Variants in FOXP2 observed in about 807,000 individuals in gnomAD.
FOXP2 encodes forkhead box protein P2.
Under a neutral mutation model 115.8 loss-of-function variants are expected in FOXP2, and 12 were observed. The observed-to-expected ratio is 0.10, with a 90% confidence interval of 0.07 to 0.17. The LOEUF (loss-of-function observed/expected upper bound fraction) is 0.17. Ranked by LOEUF, FOXP2 falls within the 10% of genes least tolerant of loss-of-function variation. FOXP2 has a pLI of 1.00. For missense variants in FOXP2, 629 were observed against 843.5 expected (o/e 0.75, Z 3.15); for synonymous variants, 328 against 297.7 (o/e 1.10, Z -1.05).
chr7:114,521,469 G>A (rs572845903), intron 2 of FOXP2, among the ~76,000 whole-genome samples: 1 of 137,206 alleles, frequency 7.3e-6, no homozygotes, highest in African/African-American at 2.8e-5. Context: ...GGAGTTCTAG[G>A]TTACAGTGGA....
intron 2 of FOXP2, among the ~76,000 whole-genome samples, chr7:114,527,118 A>G (rs1798919745): frequency 6.6e-6 from 1 of 151,336 alleles, no homozygotes; most frequent in South Asian, 2.1e-4. Flanking sequence ...AGGTTTATCC[A>G]TGTTGTAGCA....
At chr7:114,230,393 TACCA>T (rs1794844717) in intron 1 of FOXP2, among the ~76,000 whole-genome samples, 1 of 152,012 alleles carries the variant, frequency 6.6e-6, no homozygotes, top group African/African-American at 2.4e-5. Flanking sequence ...ATTACCCAGA[TACCA>T]AAGCCAGATA....
chr7:114,152,895 C>T (rs1465732682), intron 1 of FOXP2, among the ~76,000 whole-genome samples: 1 of 152,124 alleles, frequency 6.6e-6, no homozygotes, highest in East Asian at 1.9e-4. Flanking sequence ...AGCAGGATTT[C>T]CAGGCACTGG....
At chr7:114,463,488 A>T (rs925484952) in intron 2 of FOXP2, among the ~76,000 whole-genome samples, 3 of 152,208 alleles carry the variant, frequency 2.0e-5, no homozygotes, top group African/African-American at 7.2e-5. Flanking sequence ...AAATGGGTAC[A>T]TGTGGCTAAT....
intron 8 of FOXP2, among the ~76,000 whole-genome samples, chr7:114,648,753 C>T (rs898690449): frequency 1.3e-5 from 2 of 152,062 alleles, no homozygotes; most frequent in Admixed American, 6.6e-5. Context: ...TTTGAAAGAA[C>T]GTCAGTCGAC....
In FOXP2 at chr7:114,693,070, A is replaced by G. The variant is rs546915735; in HGVS notation, c.*3144A>G. 2 of 453,908 alleles carry G rather than the reference A, an allele frequency of 4.4e-6. No homozygotes were observed. The highest frequency in any genetic ancestry group is 2.0e-5 in the African/African-American group (1 of 50,110). 28.1% of individuals were successfully genotyped at this position (453,908 alleles called of 1,614,324 possible). On this transcript the variant is annotated 3_prime_UTR_variant, in exon 17 of 17. Coordinates refer to ENST00000350908, the MANE Select transcript of FOXP2 (RefSeq NM_014491.4). ...TTTTACATAGTTTTAGTCTACAAAG[A>G]CACAATTGCTTAAACCTAGTGGGCT...
chr7:114,354,477 T>C (rs149974933), intron 2 of FOXP2, among the ~76,000 whole-genome samples: 130 of 152,284 alleles, frequency 8.5e-4, no homozygotes, highest in African/African-American at 2.8e-3. Context: ...CCCTTTCTCA[T>C]TCATTTTTCT....
At chr7:114,257,994 A>G (rs1441181718) in intron 1 of FOXP2, among the ~76,000 whole-genome samples, 1 of 152,222 alleles carries the variant, frequency 6.6e-6, no homozygotes, top group Non-Finnish European at 1.5e-5. Context: ...AATTATAAGC[A>G]CTTTGGTTTT....
intron 1 of FOXP2, among the ~76,000 whole-genome samples, chr7:114,218,815 A>G (rs1794548522): frequency 1.3e-5 from 2 of 152,164 alleles, no homozygotes; most frequent in African/African-American, 4.8e-5. Context: ...AGTTAGTATT[A>G]TTTATCCCAA....
rs77466875 is a variant in FOXP2 at position 114,219,137 on chromosome 7, C to T, written c.-102+56049C>T. On this transcript the variant is annotated intron_variant, in intron 1 of 17. Transcript: ENST00000634411. ...TAGTTTTCGAAAAAGATTAATTATA[C>T]TAACTTTCATAAGTAGATTGTATAC... Among the ~76,000 whole-genome samples the T allele has an allele frequency of 2.7e-3, 410 of 152,162 alleles. 2 individuals carry two copies. Among genetic ancestry groups the T allele is most frequent in the African/African-American group, 9.5e-3 (394 of 41,530 alleles).
intron 1 of FOXP2, among the ~76,000 whole-genome samples, chr7:114,256,438 T>A (rs932328137): frequency 6.6e-6 from 1 of 152,204 alleles, no homozygotes; most frequent in African/African-American, 2.4e-5. Context: ...TTTATTTGCA[T>A]TTCTCTAATG....
intron 2 of FOXP2, among the ~76,000 whole-genome samples, chr7:114,513,353 C>A (rs773667976): frequency 1.1e-4 from 16 of 152,046 alleles, no homozygotes; most frequent in Non-Finnish European, 2.1e-4. Flanking sequence ...ACTAGTAATA[C>A]AGATGACTAT....
chr7:114,631,519 T>G lies in FOXP2; in HGVS notation c.598-9T>G. On this transcript the variant is annotated splice_polypyrimidine_tract_variant and intron_variant, in intron 5 of 16. Coordinates refer to ENST00000350908, the MANE Select transcript of FOXP2 (RefSeq NM_014491.4). ...CTGCTGTTTACTGGTTTGGGTTTTCTGATACCAGCAGCAGCAGCAGCAGCA... is the reference window on the plus strand; with the variant it reads ...CTGCTGTTTACTGGTTTGGGTTTTCGGATACCAGCAGCAGCAGCAGCAGCA... 1 of 1,559,100 alleles carries G rather than the reference T, an allele frequency of 6.4e-7. No individual in the cohort carries two copies. Among genetic ancestry groups the G allele is most frequent in the Non-Finnish European group, 8.7e-7 (1 of 1,150,934 alleles).
At chr7:114,255,561 C>T (rs765480013) in intron 1 of FOXP2, among the ~76,000 whole-genome samples, 3 of 152,208 alleles carry the variant, frequency 2.0e-5, no homozygotes, top group South Asian at 2.1e-4. Flanking sequence ...TAGCAATGAA[C>T]GAGGATCCGT....
chr7:114,482,200 T>C (rs1209480975), intron 2 of FOXP2, among the ~76,000 whole-genome samples: 3 of 151,458 alleles, frequency 2.0e-5, no homozygotes, highest in African/African-American at 7.2e-5. Context: ...AACTAGTGAT[T>C]GAGGAGAAAA....
At chr7:114,161,457 C>A (rs925865756), upstream of FOXP2, among the ~76,000 whole-genome samples, 4 of 151,724 alleles carry the variant, frequency 2.6e-5, no homozygotes, top group African/African-American at 9.7e-5. Flanking sequence ...CCCTTTTGCC[C>A]ACATATATTT....
At chr7:114,344,069 A>G (rs60387579) in intron 2 of FOXP2, among the ~76,000 whole-genome samples, 1,442 of 105,010 alleles carry the variant, frequency 0.014, 19 homozygotes, top group African/African-American at 0.037. Flanking sequence ...ATACATGCCT[A>G]GAACATTACC....
intron 3 of FOXP2, among the ~76,000 whole-genome samples, chr7:114,571,112 T>C (rs1801279200): frequency 6.6e-6 from 1 of 151,984 alleles, no homozygotes; most frequent in African/African-American, 2.4e-5. Flanking sequence ...TTCTGTGAGT[T>C]GACTACCTTA....
chr7:114,100,529 A>G (rs1017895158), intron 1 of FOXP2, among the ~76,000 whole-genome samples: 1 of 152,120 alleles, frequency 6.6e-6, no homozygotes, highest in African/African-American at 2.4e-5. Context: ...TATCTCCATT[A>G]AATTTTTGTT....
Sources: allele counts gnomAD v4.1 joint callset (sites outside exome capture counted in the v4.1 genomes callset), GRCh38; gene constraint gnomAD v4.1.1; transcripts MANE v1.5; gene names NCBI Gene and HGNC (gene_info 2026-07-23, HGNC 2026-07-21).